The following NRG3 variants were observed in gnomAD, a reference collection of about 807,000 sequenced individuals.
NRG3 encodes neuregulin 3.
Under a neutral mutation model 66.9 loss-of-function variants are expected in NRG3, and 31 were observed. The observed-to-expected ratio is 0.46, with a 90% CI of 0.35 to 0.63. The LOEUF (loss-of-function observed/expected upper bound fraction) is 0.63. NRG3 is among the 20% of genes least tolerant of loss of function. The pLI, the probability that NRG3 is intolerant of heterozygous loss-of-function variation, is 0.00. For missense variants in NRG3, 910 were observed against 878.9 expected, an observed-to-expected ratio of 1.04 and a Z score of -0.45; for synonymous variants, 393 against 359.4, an observed-to-expected ratio of 1.09 and a Z score of -1.06.
chr10:82,947,803 ATAAAT>A (rs1335289998), intron 4 of NRG3, among the ~76,000 whole-genome samples: 25 of 152,102 alleles, frequency 1.6e-4, no homozygotes, highest in African/African-American at 5.8e-4. Context: ...AGTCATTCTT[ATAAAT>A]TAAAGATACA....
intron 1 of NRG3, among the ~76,000 whole-genome samples, chr10:82,313,945 C>T (rs1234717845): frequency 6.6e-6 from 1 of 152,134 alleles, no homozygotes; most frequent in Non-Finnish European, 1.5e-5. Flanking sequence ...CCTGTTTTAA[C>T]CTGTCTTCTA....
intron 1 of NRG3, among the ~76,000 whole-genome samples, chr10:82,191,950 A>G (rs549721561): frequency 5.3e-4 from 81 of 152,290 alleles, no homozygotes; most frequent in Non-Finnish European, 7.9e-4. Flanking sequence ...ATTCTAATAC[A>G]TGAACACTTT....
chr10:82,131,865 A>C (rs1242869923), intron 1 of NRG3, among the ~76,000 whole-genome samples: 1 of 151,928 alleles, frequency 6.6e-6, no homozygotes, highest in Non-Finnish European at 1.5e-5. Context: ...AATGCTATTG[A>C]TGTGTGTATG....
intron 2 of NRG3, among the ~76,000 whole-genome samples, chr10:82,713,863 A>G (rs1591280903): frequency 6.6e-6 from 1 of 152,000 alleles, no homozygotes; most frequent in Non-Finnish European, 1.5e-5. Flanking sequence ...TTATTATTCT[A>G]CCTCTTGATT....
chr10:81,970,647 TTG>T (rs140075518), intron 1 of NRG3, among the ~76,000 whole-genome samples: 5 of 150,378 alleles, frequency 3.3e-5, no homozygotes, highest in Admixed American at 6.6e-5. Flanking sequence ...CCAGAAATAT[TTG>T]TGTGTGTGTG....
At chr10:82,045,027 A>T (rs1306555271) in intron 1 of NRG3, among the ~76,000 whole-genome samples, 2 of 151,306 alleles carry the variant, frequency 1.3e-5, no homozygotes, top group Non-Finnish European at 2.9e-5. Flanking sequence ...CAATAAACAT[A>T]CGTGTGCATG....
At chr10:82,351,370 T>A (rs1421453811) in intron 1 of NRG3, among the ~76,000 whole-genome samples, 1 of 152,204 alleles carries the variant, frequency 6.6e-6, no homozygotes, top group Non-Finnish European at 1.5e-5. Flanking sequence ...GCATCCAGAT[T>A]AATGCTGGAA....
At chr10:82,682,474 T>A (rs552441186) in intron 2 of NRG3, among the ~76,000 whole-genome samples, 2 of 152,292 alleles carry the variant, frequency 1.3e-5, no homozygotes, top group South Asian at 4.1e-4. Context: ...TTTGTATTTA[T>A]CTGGTGATGG....
intron 2 of NRG3, among the ~76,000 whole-genome samples, chr10:82,467,401 A>G (rs1375304598): frequency 6.6e-6 from 1 of 152,176 alleles, no homozygotes; most frequent in Non-Finnish European, 1.5e-5. Context: ...CATGGTGAAT[A>G]TTTAAGAGGC....
In NRG3 at chr10:82,104,222, A is replaced by G. The variant is rs1264912475; in HGVS notation, c.823+228059A>G. Reference sequence around the variant, plus strand: ...AAGAGGTTGGCAATAGCAGGCTTATAGCATTTTGGCCACAGCAGAAGCCCA... The same window carrying G: ...AAGAGGTTGGCAATAGCAGGCTTATGGCATTTTGGCCACAGCAGAAGCCCA... On this transcript the variant is annotated intron_variant, in intron 1 of 8. Transcript: ENST00000372141. Among the ~76,000 whole-genome samples the G allele has an allele frequency of 3.3e-5, 5 of 152,202 alleles. No homozygotes were observed. The East Asian group carries it at 5.8e-4, about 18-fold the overall frequency.
chr10:82,851,734 A>G (rs1269323727), intron 3 of NRG3, among the ~76,000 whole-genome samples: 2 of 87,570 alleles, frequency 2.3e-5, no homozygotes, highest in Non-Finnish European at 2.0e-5. Flanking sequence ...ATGAAGCTAT[A>G]TAGTTTTTTT....
intron 2 of NRG3, among the ~76,000 whole-genome samples, chr10:82,668,577 T>C (rs2052988151): frequency 1.3e-5 from 2 of 152,136 alleles, no homozygotes; most frequent in African/African-American, 2.4e-5. Context: ...ATATAATATT[T>C]TGATGTGTCT....
intron 2 of NRG3, among the ~76,000 whole-genome samples, chr10:82,447,264 C>T (rs2090776800): frequency 6.6e-6 from 1 of 152,086 alleles, no homozygotes; most frequent in Non-Finnish European, 1.5e-5. Flanking sequence ...TGAATTTAAG[C>T]TTATAGGCCA....
intron 2 of NRG3, among the ~76,000 whole-genome samples, chr10:82,538,189 C>G (rs1590562695): frequency 6.6e-6 from 1 of 152,086 alleles, no homozygotes; most frequent in Non-Finnish European, 1.5e-5. Flanking sequence ...GTTTATCACC[C>G]TACATTTTCA....
chr10:82,337,717 C>A (rs2082461039), intron 1 of NRG3, among the ~76,000 whole-genome samples: 1 of 152,090 alleles, frequency 6.6e-6, no homozygotes, highest in African/African-American at 2.4e-5. Context: ...TAAACACTAA[C>A]AATTTTGGAC....
At chr10:82,672,308 G>C (rs918595996) in intron 2 of NRG3, among the ~76,000 whole-genome samples, 1 of 152,166 alleles carries the variant, frequency 6.6e-6, no homozygotes, top group Non-Finnish European at 1.5e-5. Flanking sequence ...GCACAGGAGA[G>C]GGGTGGCACC....
At chr10:82,063,842 G>T (rs2064299645) in intron 1 of NRG3, among the ~76,000 whole-genome samples, 1 of 152,158 alleles carries the variant, frequency 6.6e-6, no homozygotes, top group Non-Finnish European at 1.5e-5. Context: ...TATCAGGTGT[G>T]ATTTGCCTGC....
At chr10:82,260,462 A>G (rs1483845074) in intron 1 of NRG3, among the ~76,000 whole-genome samples, 1 of 152,220 alleles carries the variant, frequency 6.6e-6, no homozygotes, top group Non-Finnish European at 1.5e-5. Context: ...AATCTCAATT[A>G]TATCTGGAAT....
intron 2 of NRG3, among the ~76,000 whole-genome samples, chr10:82,736,495 C>T (rs1044620391): frequency 2.6e-5 from 4 of 152,346 alleles, no homozygotes; most frequent in Non-Finnish European, 4.4e-5. Context: ...AGCCACACAG[C>T]CCCTGGGGGG....
Sources: allele counts gnomAD v4.1 joint callset (sites outside exome capture counted in the v4.1 genomes callset), GRCh38; gene constraint gnomAD v4.1.1; transcripts MANE v1.5; gene names NCBI Gene and HGNC (gene_info 2026-07-23, HGNC 2026-07-21).